SAMTOR: variants seen among roughly 807,000 people sequenced by gnomAD.
SAMTOR encodes the protein UPF0532 protein C7orf60.
chr7:112,832,075 G>A, the SAMTOR span, among the ~76,000 whole-genome samples: 3 of 150,168 alleles, frequency 2.0e-5, no homozygotes, highest in Non-Finnish European at 4.4e-5. Flanking sequence ...GCAGTGGCGC[G>A]ATCTCGACTC....
At chr7:112,939,649 C>T in the SAMTOR span, 1 of 1,613,950 alleles carries the variant, frequency 6.2e-7, no homozygotes, top group Non-Finnish European at 8.5e-7. Context: ...CGGAGAGCTT[C>T]TCCTGCTCCA....
the SAMTOR span, among the ~76,000 whole-genome samples, chr7:112,823,810 C>T: frequency 6.6e-6 from 1 of 152,146 alleles, no homozygotes; most frequent in Non-Finnish European, 1.5e-5. Flanking sequence ...TCCAGTTCCT[C>T]CAAATCCTTA....
chr7:112,824,010 G>C, the SAMTOR span, among the ~76,000 whole-genome samples: 1 of 152,020 alleles, frequency 6.6e-6, no homozygotes, highest in African/African-American at 2.4e-5. Flanking sequence ...AAAAATAATT[G>C]GGTTGCTTTA....
chr7:112,893,888 C>G, the SAMTOR span, among the ~76,000 whole-genome samples: 1 of 152,164 alleles, frequency 6.6e-6, no homozygotes, highest in Non-Finnish European at 1.5e-5. Context: ...GGCGACAGAG[C>G]GAGACTCCGT....
chr7:112,923,870 A>G, the SAMTOR span, among the ~76,000 whole-genome samples: 2 of 152,248 alleles, frequency 1.3e-5, no homozygotes, highest in African/African-American at 4.8e-5. Context: ...GCCATAAAAA[A>G]TGATGAGTTC....
chr7:112,932,253 CAG>C, the SAMTOR span, among the ~76,000 whole-genome samples: 10 of 152,024 alleles, frequency 6.6e-5, no homozygotes, highest in African/African-American at 2.4e-4. Flanking sequence ...TACCAACATA[CAG>C]AGAGACATAC....
chr7:112,835,477 T>G, the SAMTOR span, among the ~76,000 whole-genome samples: 12 of 152,260 alleles, frequency 7.9e-5, no homozygotes, highest in African/African-American at 2.6e-4. Context: ...CTTAATAAAG[T>G]TGAAGTTCTT....
chr7:112,848,392 C>T, the SAMTOR span, among the ~76,000 whole-genome samples: 1 of 152,126 alleles, frequency 6.6e-6, no homozygotes, highest in African/African-American at 2.4e-5. Flanking sequence ...TATCTGTTAG[C>T]CTGTTTCAGA....
the SAMTOR span, among the ~76,000 whole-genome samples, chr7:112,928,003 C>G: frequency 6.6e-6 from 1 of 151,834 alleles, no homozygotes; most frequent in Non-Finnish European, 1.5e-5. Flanking sequence ...CACTATGTCA[C>G]AACTAAAAAA....
the SAMTOR span, among the ~76,000 whole-genome samples, chr7:112,824,678 A>T: frequency 6.6e-6 from 1 of 151,924 alleles, no homozygotes; most frequent in Admixed American, 6.6e-5. Flanking sequence ...TTTTTTTTAT[A>T]TGGAGTGTGG....
the SAMTOR span, among the ~76,000 whole-genome samples, chr7:112,897,052 G>C: frequency 2.0e-5 from 3 of 152,208 alleles, no homozygotes; most frequent in Admixed American, 6.5e-5. Flanking sequence ...AGAGGAAGGA[G>C]AGCCAAGGTA....
the SAMTOR span, among the ~76,000 whole-genome samples, chr7:112,846,536 C>T: frequency 3.9e-5 from 6 of 152,270 alleles, no homozygotes; most frequent in Middle Eastern, 3.4e-3. Context: ...AAAGATTTTT[C>T]TCTTGCTGTT....
At chr7:112,925,491 C>T in the SAMTOR span, among the ~76,000 whole-genome samples, 88,700 of 152,100 alleles carry the variant, frequency 0.58, 29,392 homozygotes, top group East Asian at 0.9. Flanking sequence ...CAAGACTTAG[C>T]GTCTAAAGAA....
chr7:112,888,474 C>T, the SAMTOR span, among the ~76,000 whole-genome samples: 5 of 152,008 alleles, frequency 3.3e-5, no homozygotes, highest in Admixed American at 3.3e-4. Flanking sequence ...ACACAGCTTT[C>T]CTAGTGTTAG....
At chr7:112,883,115 A>ATAAGGCCTATAGTAAGAT in the SAMTOR span, among the ~76,000 whole-genome samples, 1 of 152,220 alleles carries the variant, frequency 6.6e-6, no homozygotes. Flanking sequence ...CTTAAGGCAG[A>ATAAGGCCTATAGTAAGAT]ATGGAGATAA....
At chr7:112,830,434 C>T in the SAMTOR span, among the ~76,000 whole-genome samples, 1 of 151,984 alleles carries the variant, frequency 6.6e-6, no homozygotes, top group African/African-American at 2.4e-5. Flanking sequence ...TTTTGTCTTC[C>T]CTGGTGACTA....
the SAMTOR span, among the ~76,000 whole-genome samples, chr7:112,931,445 G>C: frequency 2.0e-5 from 3 of 152,034 alleles, no homozygotes; most frequent in Non-Finnish European, 4.4e-5. Context: ...ACTCCAAAAT[G>C]CAAGTCTGTG....
chr7:112,847,985 A>T, the SAMTOR span, among the ~76,000 whole-genome samples: 15 of 152,132 alleles, frequency 9.9e-5, no homozygotes, highest in African/African-American at 2.2e-4. Flanking sequence ...CAAAAAATTT[A>T]AAAAATTAAA....
the SAMTOR span, among the ~76,000 whole-genome samples, chr7:112,849,716 A>T: frequency 6.6e-6 from 1 of 152,116 alleles, no homozygotes; most frequent in Non-Finnish European, 1.5e-5. Context: ...TCCATTTAGC[A>T]TGATATTGGT....
Sources: allele counts gnomAD v4.1 joint callset (sites outside exome capture counted in the v4.1 genomes callset), GRCh38; gene constraint gnomAD v4.1.1; transcripts MANE v1.5; gene names NCBI Gene and HGNC (gene_info 2026-07-23, HGNC 2026-07-21).